FOCAD: variants seen among roughly 807,000 people sequenced by gnomAD.
The protein encoded by FOCAD is focadhesin.
A neutral mutation model predicts 225.6 loss-of-function variants in FOCAD; 198 were observed. The ratio of observed to expected loss-of-function variants is 0.88; its 90% CI spans 0.78 to 0.99. FOCAD has a LOEUF of 0.99. Ranked by LOEUF, FOCAD falls within the 50% of genes least tolerant of loss-of-function variation. FOCAD has a pLI of 0.00. For missense variants in FOCAD, 2,713 were observed against 2,123.6 expected, an observed-to-expected ratio of 1.28 and a Z score of -5.46; for synonymous variants, 897 against 755.0, an observed-to-expected ratio of 1.19 and a Z score of -3.08.
intron 35 of FOCAD, among the ~76,000 whole-genome samples, chr9:20,963,313 A>G (rs924870983): frequency 6.6e-6 from 1 of 152,202 alleles, no homozygotes. Context: ...AGCAACATGT[A>G]AAGTGCAGTA....
chr9:20,870,614 T>C (rs1287812793), intron 18 of FOCAD, among the ~76,000 whole-genome samples: 1 of 152,220 alleles, frequency 6.6e-6, no homozygotes, highest in Non-Finnish European at 1.5e-5. Context: ...AACCACTCTC[T>C]TGTGATGCTA....
chr9:20,984,402 A>C (rs1350985987), intron 39 of FOCAD, among the ~76,000 whole-genome samples: 2 of 152,214 alleles, frequency 1.3e-5, no homozygotes, highest in Non-Finnish European at 1.5e-5. Flanking sequence ...AGAGCTTTTA[A>C]TTATAAGGGT....
At chr9:20,681,605 T>C (rs948001507), upstream of FOCAD, among the ~76,000 whole-genome samples, 1 of 152,234 alleles carries the variant, frequency 6.6e-6, no homozygotes. Context: ...CTCTCTAGTC[T>C]TGTCAAAATA....
chr9:20,763,057 A>C (rs1057361058), intron 6 of FOCAD, among the ~76,000 whole-genome samples: 5 of 152,346 alleles, frequency 3.3e-5, no homozygotes, highest in Middle Eastern at 3.4e-3. Context: ...GAGGATAGAT[A>C]ATTCTTATTT....
At chr9:20,974,842 C>T (rs1021867368) in intron 35 of FOCAD, among the ~76,000 whole-genome samples, 1 of 152,176 alleles carries the variant, frequency 6.6e-6, no homozygotes, top group Admixed American at 6.5e-5. Flanking sequence ...TTCACGTTTG[C>T]TGACTCTGGC....
rs1321921661 is a variant in FOCAD at position 20,886,329 on chromosome 9, G to GT, written c.2625+1107dup. ...AATTTCAGACATAGGTGATTTCTAT[G>GT]TTTTTTTTGTCCCTGGCATCTCATT... is the stretch of plus-strand genomic sequence containing the variant. On this transcript the variant is annotated intron_variant, in intron 21 of 43. Coordinates refer to ENST00000338382, the MANE Select transcript of FOCAD (RefSeq NM_001375567.1). 5.9e-5 allele frequency among the ~76,000 whole-genome samples: 9 copies of GT among 151,950 alleles called. No homozygotes were observed. In the South Asian group the frequency reaches 6.2e-4, roughly 10 times the overall value.
At chr9:20,913,839 A>G (rs1833646596) in intron 23 of FOCAD, among the ~76,000 whole-genome samples, 1 of 152,192 alleles carries the variant, frequency 6.6e-6, no homozygotes, top group Admixed American at 6.5e-5. Flanking sequence ...TCTGAAAGTG[A>G]TAATTGGTGA....
chr9:20,849,775 C>G (rs1297238161), intron 15 of FOCAD, among the ~76,000 whole-genome samples: 1 of 151,928 alleles, frequency 6.6e-6, no homozygotes, highest in Non-Finnish European at 1.5e-5. Flanking sequence ...TGACATTTAT[C>G]TGCCTTAGAT....
chr9:20,787,046 TG>T, intron 10 of FOCAD: 1 of 406,056 alleles, frequency 2.5e-6, no homozygotes, highest in Non-Finnish European at 4.9e-6. Context: ...TGTCACTCAA[TG>T]GGACAATTTC....
At chr9:20,806,852 C>T (rs999264317) in intron 11 of FOCAD, among the ~76,000 whole-genome samples, 7 of 152,140 alleles carry the variant, frequency 4.6e-5, no homozygotes, top group African/African-American at 1.7e-4. Flanking sequence ...TGGGATTTCT[C>T]TTAGTGTCAT....
intron 35 of FOCAD, among the ~76,000 whole-genome samples, chr9:20,954,199 C>T (rs1018862120): frequency 6.6e-6 from 1 of 152,058 alleles, no homozygotes; most frequent in South Asian, 2.1e-4. Flanking sequence ...ATAAACAGAT[C>T]ATATATTACA....
Position 20,951,035 on chromosome 9 carries a change from G to T in FOCAD, c.3988G>T (p.Ala1330Ser). Residue 1330 changes from alanine to serine, a missense_variant, in exon 34 of 44, where the codon GCA (alanine) becomes TCA (serine). By Grantham distance (99) the Ala-to-Ser change is moderately conservative. Coordinates refer to ENST00000338382, the MANE Select transcript of FOCAD (RefSeq NM_001375567.1). ...VSGVIGLQSN[A>S]VWLLGHLHLS... ...TGGGGTGATTGGTCTCCAGTCAAAT[G>T]CAGTCTGGCTTCTTGGACATCTTCA... 6.2e-7 allele frequency: 1 copy of T among 1,613,524 alleles called. No homozygotes were observed. The highest frequency in any genetic ancestry group is 8.5e-7 in the Non-Finnish European group (1 of 1,179,594).
chr9:20,747,477 C>T (rs1044917879), intron 5 of FOCAD, among the ~76,000 whole-genome samples: 6 of 152,042 alleles, frequency 3.9e-5, no homozygotes, highest in Admixed American at 1.3e-4. Context: ...ACTCTTAAAG[C>T]GTACAAGTCA....
intron 15 of FOCAD, among the ~76,000 whole-genome samples, chr9:20,826,860 C>A (rs1403315842): frequency 1.3e-5 from 2 of 152,060 alleles, no homozygotes; most frequent in Admixed American, 6.6e-5. Context: ...ATGAGTTTGT[C>A]ATTTTCAAAG....
intron 35 of FOCAD, among the ~76,000 whole-genome samples, chr9:20,966,823 A>G (rs1839303239): frequency 6.6e-6 from 1 of 152,116 alleles, no homozygotes; most frequent in Non-Finnish European, 1.5e-5. Context: ...TCAATTGGGT[A>G]TAAATATATA....
At chr9:20,710,005 C>T (rs146745191) in intron 1 of FOCAD, among the ~76,000 whole-genome samples, 1 of 152,298 alleles carries the variant, frequency 6.6e-6, no homozygotes, top group African/African-American at 2.4e-5. Context: ...CAGCTGCTCA[C>T]CTGGTCCCCA....
chr9:20,739,527 C>T (rs1479549086), intron 4 of FOCAD, among the ~76,000 whole-genome samples: 1 of 151,574 alleles, frequency 6.6e-6, no homozygotes, highest in Non-Finnish European at 1.5e-5. Flanking sequence ...CAGTTGAACC[C>T]AGGAGATGGA....
intron 1 of FOCAD, among the ~76,000 whole-genome samples, chr9:20,686,742 A>G (rs1212487891): frequency 1.3e-5 from 2 of 152,198 alleles, no homozygotes; most frequent in Non-Finnish European, 2.9e-5. Flanking sequence ...ATGGTATAAT[A>G]AAGTATGGTA....
chr9:20,848,365 G>T (rs35157245), intron 15 of FOCAD, among the ~76,000 whole-genome samples: 32,229 of 151,930 alleles, frequency 0.21, 3,708 homozygotes, highest in South Asian at 0.31. Flanking sequence ...TGGAATAGAG[G>T]TCTCATGGCC....
Sources: gnomAD v4.1 joint callset for allele counts (sites outside exome capture counted in the v4.1 genomes callset) on GRCh38, gnomAD v4.1.1 for gene constraint, MANE v1.5 for transcripts, NCBI Gene and HGNC (gene_info 2026-07-23, HGNC 2026-07-21) for gene names.